PHAX: variants seen among roughly 807,000 people sequenced by gnomAD.
The protein encoded by PHAX is phosphorylated adaptor for RNA export.
PHAX carries 31 observed loss-of-function variants against 41.6 expected under a neutral mutation model. The ratio of observed to expected loss-of-function variants is 0.75; its 90% confidence interval spans 0.56 to 1.01. The LOEUF (loss-of-function observed/expected upper bound fraction) is 1.01, where lower values mean the gene tolerates loss of function less well. Among genes scored for constraint, PHAX ranks in the 50% least tolerant of loss-of-function variants. The probability of loss-of-function intolerance (pLI) is 0.00; values close to 1 mark genes in which losing one functional copy is unlikely to be tolerated. For synonymous variants in PHAX, 175 were observed against 164.9 expected (o/e 1.06, Z -0.47); for missense variants, 453 against 472.9 (o/e 0.96, Z 0.39).
At chr5:126,609,095 A>ATTTTTTT (rs761125079) in intron 3 of PHAX, among the ~76,000 whole-genome samples, 5 of 101,256 alleles carry the variant, frequency 4.9e-5, no homozygotes, top group African/African-American at 1.4e-4. Context: ...TAGGGGTTGA[A>ATTTTTTT]TTTTTTTTTT....
chr5:126,616,217 C>G (rs1223868030), intron 3 of PHAX, among the ~76,000 whole-genome samples: 1 of 152,082 alleles, frequency 6.6e-6, no homozygotes, highest in African/African-American at 2.4e-5. Flanking sequence ...CTTAGCCTCC[C>G]AAGTAGCTGG....
rs746867039 is a variant in PHAX at position 126,617,253 on chromosome 5, G to C, written c.835G>C (p.Gly279Arg). Reference protein sequence around the residue: ...EQNGGLFIMNGSRRRTPGGVF... With the variant: ...EQNGGLFIMNRSRRRTPGGVF... ...CCTTTTCTGTTCCTTTTTGTAGAAT[G>C]GTAGTCGAAGAAGAACACCAGGTGG... The change falls in exon 4 of 5, where the codon GGT becomes CGT. Residue 279 changes from glycine (G) to arginine (R), a missense_variant. Transcript: ENST00000297540. 4 of 1,603,294 alleles carry C rather than the reference G, an allele frequency of 2.5e-6. 1 individual carries two copies. In the South Asian group the frequency reaches 4.4e-5, roughly 18 times the overall value.
At chr5:126,611,540 C>G (rs1388895063) in intron 3 of PHAX, among the ~76,000 whole-genome samples, 1 of 152,092 alleles carries the variant, frequency 6.6e-6, no homozygotes, top group Non-Finnish European at 1.5e-5. Context: ...AATCCCAGCA[C>G]TTTGGGGGGC....
intron 4 of PHAX, among the ~76,000 whole-genome samples, chr5:126,619,990 C>T (rs1225360579): frequency 6.6e-6 from 1 of 152,124 alleles, no homozygotes; most frequent in East Asian, 1.9e-4. Context: ...GTCTTTTAGC[C>T]ATACTGACTG....
intron 2 of PHAX, among the ~76,000 whole-genome samples, chr5:126,604,622 G>A (rs1751962125): frequency 1.3e-5 from 2 of 151,720 alleles, no homozygotes; most frequent in Admixed American, 1.3e-4. Flanking sequence ...AGGCTGGAGT[G>A]CAGTGCTGCA....
At position 126,625,614 on chromosome 5, in the gene PHAX, CAATT is replaced by C. The variant is rs1278878725; in HGVS notation, c.*773_*776del. Reference sequence around the variant, plus strand: ...TCTGTCTCAAAAAAAAAAAAAAATACAATTAAGAGGTGTATACTGATGATTCTTC... The same window carrying C: ...TCTGTCTCAAAAAAAAAAAAAAATACAAGAGGTGTATACTGATGATTCTTC... On this transcript the variant is annotated 3_prime_UTR_variant, in exon 5 of 5. Coordinates refer to ENST00000297540, the MANE Select transcript of PHAX (RefSeq NM_032177.4). The C allele has an allele frequency of 6.8e-6, 1 of 147,622 alleles. No homozygotes were observed. The highest frequency in any genetic ancestry group is 2.5e-5 in the African/African-American group (1 of 39,420). 9.1% of individuals were successfully genotyped at this position (147,622 alleles called of 1,614,324 possible).
At chr5:126,622,960 C>A (rs1581423783) in intron 4 of PHAX, among the ~76,000 whole-genome samples, 1 of 151,688 alleles carries the variant, frequency 6.6e-6, no homozygotes, top group African/African-American at 2.4e-5. Context: ...ACCCCATCTC[C>A]ACTAAAAATA....
chr5:126,606,067 CCTT>C (rs1190981264), intron 2 of PHAX, among the ~76,000 whole-genome samples: 1 of 152,062 alleles, frequency 6.6e-6, no homozygotes, highest in African/African-American at 2.4e-5. Flanking sequence ...TATAAATTTG[CCTT>C]TTTTGGATAT....
chr5:126,603,506 T>A (rs933184793), intron 1 of PHAX, 64 bp from the exon 2 acceptor site: 17 of 1,516,760 alleles, frequency 1.1e-5, no homozygotes, highest in Non-Finnish European at 1.5e-5. Flanking sequence ...TCTAAATTTT[T>A]AAAAATTAGG....
In PHAX at chr5:126,626,582, C is replaced by T; in HGVS notation, c.*1738C>T. Reference sequence around the variant, plus strand: ...TGAAACCCTGTCTCTATTAAAAATACAAAAATTAGCTGGGCGTGGTGGCGC... The same window carrying T: ...TGAAACCCTGTCTCTATTAAAAATATAAAAATTAGCTGGGCGTGGTGGCGC... On this transcript the variant is annotated 3_prime_UTR_variant, in exon 5 of 5. Transcript: ENST00000297540. The T allele has an allele frequency of 6.6e-6, 1 of 152,002 alleles. No individual in the cohort carries two copies. The highest frequency in any genetic ancestry group is 3.4e-3 in the Middle Eastern group (1 of 294). The allele number at this position is 152,002 out of a possible 1,614,324, so 9.4% of individuals were successfully genotyped here.
At chr5:126,608,631 G>T in intron 3 of PHAX, 147 bp downstream of exon 3, 1 of 656,150 alleles carries the variant, frequency 1.5e-6, no homozygotes. Context: ...TATCAACAAT[G>T]AAGACTGTTA....
chr5:126,608,766 G>A (rs1328611638), intron 3 of PHAX, among the ~76,000 whole-genome samples: 1 of 151,826 alleles, frequency 6.6e-6, no homozygotes, highest in East Asian at 1.9e-4. Context: ...GAGAAACCCT[G>A]TCTCTACTAA....
intron 2 of PHAX, among the ~76,000 whole-genome samples, chr5:126,606,093 G>A (rs547424020): frequency 6.6e-6 from 1 of 152,164 alleles, no homozygotes; most frequent in South Asian, 2.1e-4. Flanking sequence ...CATATAAATG[G>A]TGTCATGTAG....
chr5:126,617,332 A>G lies in PHAX; in HGVS notation c.914A>G (p.Lys305Arg). The G allele has an allele frequency of 6.3e-7, 1 of 1,586,064 alleles. No homozygotes were observed. Among genetic ancestry groups the G allele is most frequent in the Non-Finnish European group, 8.7e-7 (1 of 1,155,720 alleles). Residue 305 changes from lysine (K) to arginine (R), a missense_variant and splice_region_variant, in exon 4 of 5, where the codon AAG (lysine) becomes AGG (arginine). Lys to Arg is a conservative substitution (Grantham distance 26). Coordinates refer to ENST00000297540, the MANE Select transcript of PHAX (RefSeq NM_032177.4). ...NTPSISEEQIKDIFYIENQKE... is the reference protein window; with the variant it reads ...NTPSISEEQIRDIFYIENQKE... ...CCTAGTATCAGCGAGGAACAAATTAAGGTAATGATAATGTCCTCACCTCTT... is the reference window on the plus strand; with the variant it reads ...CCTAGTATCAGCGAGGAACAAATTAGGGTAATGATAATGTCCTCACCTCTT...
At chr5:126,612,642 CA>C (rs1339022096) in intron 3 of PHAX, among the ~76,000 whole-genome samples, 1 of 151,814 alleles carries the variant, frequency 6.6e-6, no homozygotes, top group Non-Finnish European at 1.5e-5. Flanking sequence ...TGGAGGTTGC[CA>C]TGAGCCGGGA....
intron 4 of PHAX, among the ~76,000 whole-genome samples, chr5:126,620,511 AT>A (rs1298448389): frequency 6.6e-6 from 1 of 152,144 alleles, no homozygotes; most frequent in East Asian, 1.9e-4. Flanking sequence ...AATAATCAAA[AT>A]TATATGCCTG....
At chr5:126,601,770 G>A (rs1022243857) in intron 1 of PHAX, among the ~76,000 whole-genome samples, 1 of 152,078 alleles carries the variant, frequency 6.6e-6, no homozygotes, top group African/African-American at 2.4e-5. Context: ...GGGTTCAAGC[G>A]ATTCTCCTGC....
In PHAX at chr5:126,602,001, A is replaced by C. The variant is rs146391593; in HGVS notation, c.96+943A>C. On this transcript the variant is annotated intron_variant, in intron 1 of 4. Coordinates refer to ENST00000297540, the MANE Select transcript of PHAX (RefSeq NM_032177.4). The stretch of plus-strand genomic sequence containing the variant: ...TAATTTTGTATTTTTAGTTGAGACG[A>C]GATTTCTCCATGTTGGTCAGGCTGG... Among the ~76,000 whole-genome samples, 441 of 151,024 alleles carry C rather than the reference A, an allele frequency of 2.9e-3. 2 individuals carry two copies. Among genetic ancestry groups the C allele is most frequent in the African/African-American group, 0.01 (418 of 40,992 alleles).
At chr5:126,604,231 T>A (rs1751953982) in intron 2 of PHAX, 48 bp downstream of exon 2, 3 of 1,449,550 alleles carry the variant, frequency 2.1e-6, no homozygotes, top group Admixed American at 2.3e-5. Flanking sequence ...GGCTTCTATT[T>A]ACAGGAAATA....
Sources: allele counts gnomAD v4.1 joint callset (sites outside exome capture counted in the v4.1 genomes callset), GRCh38; gene constraint gnomAD v4.1.1; transcripts MANE v1.5; gene names NCBI Gene and HGNC (gene_info 2026-07-23, HGNC 2026-07-21).